ACKR2: variants seen among roughly 807,000 people sequenced by gnomAD.
ACKR2 encodes the protein C-C chemokine receptor D6.
For synonymous variants in ACKR2, 207 were observed against 192.2 expected, an observed-to-expected ratio of 1.08 and a Z score of -0.64; for missense variants, 457 against 477.3, an observed-to-expected ratio of 0.96 and a Z score of 0.40.
At chr3:42,818,060 G>A (rs1258325917) in intron 1 of ACKR2, among the ~76,000 whole-genome samples, 1 of 152,098 alleles carries the variant, frequency 6.6e-6, no homozygotes, top group Non-Finnish European at 1.5e-5. Context: ...GTATGCTGAT[G>A]TTCTTTTCTC....
At chr3:42,829,733 T>C (rs1700910671) in intron 2 of ACKR2, among the ~76,000 whole-genome samples, 2 of 152,192 alleles carry the variant, frequency 1.3e-5, no homozygotes, top group Admixed American at 6.5e-5. Flanking sequence ...ACCCCTTGCA[T>C]CTGCACTCTG....
rs1295031001 is a variant in ACKR2 at position 42,852,735 on chromosome 3, C to T, written c.-37-11731C>T. 1.3e-5 allele frequency among the ~76,000 whole-genome samples: 2 copies of T among 152,180 alleles called. No individual in the cohort carries two copies. Among genetic ancestry groups the T allele is most frequent in the Non-Finnish European group, 2.9e-5 (2 of 68,036 alleles). On this transcript the variant is annotated intron_variant, in intron 2 of 2. Transcript: ENST00000422265. The surrounding 1 kb of genome is among the most constrained non-coding windows in gnomAD (Gnocchi z 4.3). ...ACAAACAGGATACACTAAGATGTTCCTGTGGGTTATTTTTGCAGTGGTAGC... is the reference window on the plus strand; with the variant it reads ...ACAAACAGGATACACTAAGATGTTCTTGTGGGTTATTTTTGCAGTGGTAGC...
chr3:42,824,421 A>G (rs753992135), intron 2 of ACKR2, among the ~76,000 whole-genome samples: 17 of 152,232 alleles, frequency 1.1e-4, no homozygotes, highest in Admixed American at 1.3e-4. Flanking sequence ...TAATATAACC[A>G]CAAAGTTGCA....
At chr3:42,853,278 A>C (rs987411095) in intron 2 of ACKR2, among the ~76,000 whole-genome samples, 11 of 152,264 alleles carry the variant, frequency 7.2e-5, no homozygotes, top group African/African-American at 2.4e-4. Flanking sequence ...CAGTTCTGCC[A>C]TATACTTGCT....
intron 1 of ACKR2, among the ~76,000 whole-genome samples, chr3:42,817,079 G>A (rs1700759072): frequency 6.6e-6 from 1 of 152,116 alleles, no homozygotes; most frequent in African/African-American, 2.4e-5. Flanking sequence ...ACACAATGGG[G>A]ATACTAGTAA....
chr3:42,818,131 G>A (rs1575374317), intron 1 of ACKR2, among the ~76,000 whole-genome samples: 2 of 152,206 alleles, frequency 1.3e-5, no homozygotes, highest in East Asian at 1.9e-4. Context: ...TGTGTTGGAC[G>A]TCTTCACTTT....
chr3:42,864,867 C>T lies in ACKR2; in HGVS notation c.365C>T (p.Thr122Ile). ...AGTTTCTTGTGCAAGATGGTGAGCACTCTTTATACTATTAACTTTTACAGT... is the reference window on the plus strand; with the variant it reads ...AGTTTCTTGTGCAAGATGGTGAGCATTCTTTATACTATTAACTTTTACAGT... ...FGSFLCKMVS[T>I]LYTINFYSGI... The change falls in exon 3 of 3, where the codon ACT becomes ATT. Residue 122 changes from threonine to isoleucine, a missense_variant. Thr to Ile is a moderately conservative substitution (Grantham distance 89). Transcript: ENST00000422265. 1.2e-6 allele frequency: 2 copies of T among 1,614,150 alleles called. No homozygotes were observed. Among genetic ancestry groups the T allele is most frequent in the Non-Finnish European group, 1.7e-6 (2 of 1,180,030 alleles).
At chr3:42,856,251 G>A in intron 2 of ACKR2, 2 of 611,442 alleles carry the variant, frequency 3.3e-6, no homozygotes, top group East Asian at 5.7e-5. Flanking sequence ...CTCCTGGGGT[G>A]GGGGCAGGTC....
intron 2 of ACKR2, among the ~76,000 whole-genome samples, chr3:42,840,673 T>C (rs1243691395): frequency 6.6e-6 from 1 of 152,186 alleles, no homozygotes; most frequent in Non-Finnish European, 1.5e-5. Context: ...TTGAGTGTCT[T>C]AACCTTTTTT....
intron 2 of ACKR2, among the ~76,000 whole-genome samples, chr3:42,821,528 CTG>C (rs891640657): frequency 3.3e-5 from 5 of 152,226 alleles, no homozygotes; most frequent in East Asian, 1.9e-4. Flanking sequence ...CAGGAGGAAA[CTG>C]AGGTTCCGTG....
intron 2 of ACKR2, among the ~76,000 whole-genome samples, chr3:42,826,453 T>A (rs1287967427): frequency 6.6e-6 from 1 of 152,122 alleles, no homozygotes; most frequent in Non-Finnish European, 1.5e-5. Context: ...CTATTCAGAT[T>A]TTCTTTTTCC....
chr3:42,814,011 T>C (rs1482491105), intron 1 of ACKR2, among the ~76,000 whole-genome samples: 3 of 152,318 alleles, frequency 2.0e-5, no homozygotes, highest in Middle Eastern at 6.8e-3. Flanking sequence ...GCCTAGTTAT[T>C]TGAGGTTTTG....
At chr3:42,860,238 A>G (rs2088370748) in intron 2 of ACKR2, among the ~76,000 whole-genome samples, 1 of 147,590 alleles carries the variant, frequency 6.8e-6, no homozygotes, top group Non-Finnish European at 1.5e-5. Flanking sequence ...TAAGCCAACA[A>G]AGATCAAAAA....
chr3:42,843,046 T>G (rs1363219906), intron 2 of ACKR2, among the ~76,000 whole-genome samples: 2 of 72,596 alleles, frequency 2.8e-5, no homozygotes, highest in African/African-American at 7.6e-5. Context: ...ATTTATTTAT[T>G]TATTTATTTA....
chr3:42,818,908 G>A (rs941761908), intron 1 of ACKR2, among the ~76,000 whole-genome samples: 1 of 151,910 alleles, frequency 6.6e-6, no homozygotes, highest in Non-Finnish European at 1.5e-5. Flanking sequence ...ATGCTGTCAG[G>A]TTGTCACTAA....
At chr3:42,814,778 G>A (rs1700732395) in intron 1 of ACKR2, among the ~76,000 whole-genome samples, 1 of 152,186 alleles carries the variant, frequency 6.6e-6, no homozygotes, top group African/African-American at 2.4e-5. Context: ...GAAGGAACAA[G>A]TATATAGAAA....
intron 1 of ACKR2, among the ~76,000 whole-genome samples, chr3:42,816,450 A>C (rs1054582306): frequency 6.6e-6 from 1 of 152,034 alleles, no homozygotes; most frequent in Non-Finnish European, 1.5e-5. Context: ...TTATGTAGTG[A>C]TAATTTTTGT....
intron 2 of ACKR2, among the ~76,000 whole-genome samples, chr3:42,829,539 C>T (rs1201130891): frequency 6.6e-6 from 1 of 152,168 alleles, no homozygotes. Flanking sequence ...GCTGCTCATT[C>T]TTGTCACCTT....
intron 2 of ACKR2, among the ~76,000 whole-genome samples, chr3:42,855,230 G>A (rs886960746): frequency 6.6e-6 from 1 of 152,138 alleles, no homozygotes; most frequent in Non-Finnish European, 1.5e-5. Flanking sequence ...AGGATGAGGT[G>A]GGACCAGGGA....
Sources: allele counts gnomAD v4.1 joint callset (sites outside exome capture counted in the v4.1 genomes callset), GRCh38; gene constraint gnomAD v4.1.1; non-coding constraint Gnocchi (gnomAD v3.1); transcripts MANE v1.5; gene names NCBI Gene and HGNC (gene_info 2026-07-23, HGNC 2026-07-21).